Variants in UVSSA observed in about 807,000 individuals in gnomAD.
The protein encoded by UVSSA is UV stimulated scaffold protein A, also known as UV-stimulated scaffold protein A.
Under a neutral mutation model 73.9 loss-of-function variants are expected in UVSSA, and 72 were observed. That is an observed-to-expected ratio of 0.97 (90% CI 0.81 to 1.19). The LOEUF (loss-of-function observed/expected upper bound fraction) is 1.19. Among genes scored for constraint, UVSSA ranks in the 50% most tolerant of loss-of-function variants. The pLI, the probability that UVSSA is intolerant of heterozygous loss-of-function variation, is 0.00. For missense variants in UVSSA, 1,150 were observed against 965.0 expected (o/e 1.19, Z -2.54); for synonymous variants, 454 against 391.3 (o/e 1.16, Z -1.89).
chr4:1,370,122 A>G (rs1170557158), intron 8 of UVSSA, among the ~76,000 whole-genome samples: 2 of 147,736 alleles, frequency 1.4e-5, no homozygotes, highest in Non-Finnish European at 2.9e-5. Context: ...TTAATGGTTT[A>G]AAACAACAAA....
chr4:1,346,042 A>C (rs1713642136), upstream of UVSSA, among the ~76,000 whole-genome samples: 1 of 152,122 alleles, frequency 6.6e-6, no homozygotes, highest in Admixed American at 6.5e-5. Context: ...GAGGCGGAGG[A>C]GCGGCTCGGG....
At chr4:1,375,891 G>C in intron 9 of UVSSA, 143 bp from the exon 10 acceptor site, 1 of 1,325,084 alleles carries the variant, frequency 7.5e-7, no homozygotes, top group Non-Finnish European at 1.0e-6. Context: ...GTGGCCCTGA[G>C]GCCCAGGCGT....
At chr4:1,367,610 A>G (rs1432229669) in intron 8 of UVSSA, among the ~76,000 whole-genome samples, 1 of 152,090 alleles carries the variant, frequency 6.6e-6, no homozygotes, top group East Asian at 1.9e-4. Flanking sequence ...TCCTGGGGTC[A>G]GTGTGAGCTT....
rs1181558933 is a variant in UVSSA, at chr4:1,387,618, A to C, written c.*1657A>C. On this transcript the variant is annotated 3_prime_UTR_variant, in exon 14 of 14. Coordinates refer to ENST00000389851, the MANE Select transcript of UVSSA (RefSeq NM_020894.4). ...GTAGATCTTTGATCCATTGTGAATT[A>C]AGTTTTGTGTGTGGTGTAAGAGCCC... The C allele has an allele frequency of 9.3e-6, 1 of 108,040 alleles. No homozygotes were observed. The highest frequency in any genetic ancestry group is 9.2e-5 in the Admixed American group (1 of 10,816). The allele number at this position is 108,040 out of a possible 1,614,324, so 6.7% of individuals were successfully genotyped here. A position where few individuals can be genotyped will look rare whatever the true frequency, so the allele number is the denominator to read the frequency against.
At chr4:1,346,356 T>G (rs540926114), upstream of UVSSA, among the ~76,000 whole-genome samples, 70 of 152,162 alleles carry the variant, frequency 4.6e-4, no homozygotes, top group African/African-American at 1.6e-3. Context: ...GCGTGGCCTG[T>G]GCCGGGCGCC....
In UVSSA at chr4:1,353,378, C is replaced by T. The variant is rs749042276; in HGVS notation, c.899C>T (p.Ser300Leu). Residue 300 changes from serine to leucine, a missense_variant, in exon 5 of 14, where the codon TCG becomes TTG. Transcript: ENST00000389851. ...EEFVRSHGLG[S>L]HKYTLDVELC... is the part of the protein sequence containing the mutation. ...TTTGTGCGGAGCCACGGGCTGGGCT[C>T]GCACAAGTACACGCTGGATGTGGAG... 34 of 1,598,348 alleles carry T rather than the reference C, an allele frequency of 2.1e-5. No homozygotes were observed. Among genetic ancestry groups the T allele is most frequent in the East Asian group, 6.8e-5 (3 of 44,264 alleles).
upstream of UVSSA, among the ~76,000 whole-genome samples, chr4:1,345,553 G>C (rs974676633): frequency 2.0e-5 from 3 of 149,366 alleles, no homozygotes; most frequent in African/African-American, 7.5e-5. Flanking sequence ...GCTGAGGCAG[G>C]AGAATCGTTT....
At chr4:1,355,293 G>C (rs752654317) in intron 7 of UVSSA, 48 bp downstream of exon 7, 5 of 1,547,308 alleles carry the variant, frequency 3.2e-6, no homozygotes, top group East Asian at 2.3e-5. Flanking sequence ...GGCCTCAGTG[G>C]GGGAGGAGAA....
intron 7 of UVSSA, among the ~76,000 whole-genome samples, chr4:1,356,080 T>C (rs1338950661): frequency 6.6e-6 from 1 of 152,102 alleles, no homozygotes; most frequent in Admixed American, 6.5e-5. Context: ...GTGCTGTCTC[T>C]CAGGCACCTC....
At chr4:1,361,784 A>G (rs1716675455) in intron 7 of UVSSA, among the ~76,000 whole-genome samples, 1 of 152,226 alleles carries the variant, frequency 6.6e-6, no homozygotes. Context: ...GTTTTTAAAC[A>G]CATAGCCATC....
downstream of UVSSA, chr4:1,389,609 C>G (rs1046243352): frequency 3.3e-5 from 5 of 152,170 alleles, no homozygotes; most frequent in Non-Finnish European, 7.3e-5. Flanking sequence ...AAACTCCTGG[C>G]CTCAAGAAAT....
At position 1,351,774 on chromosome 4, in the gene UVSSA, G is replaced by A. The variant is rs1714793138; in HGVS notation, c.489G>A (p.Lys163=). 1.2e-6 allele frequency: 2 copies of A among 1,613,656 alleles called. No individual in the cohort carries two copies. The highest frequency in any genetic ancestry group is 1.3e-5 in the African/African-American group (1 of 74,948). Residue 163 remains lysine, a synonymous_variant, in exon 4 of 14, where the codon AAG becomes AAA. Coordinates refer to ENST00000389851, the MANE Select transcript of UVSSA (RefSeq NM_020894.4). The stretch of plus-strand genomic sequence containing the variant: ...CAGAAAGGAAGAGAGAAGAGGAGAA[G>A]CAGAAGCACTTGGATAAAATTTATC... ...SLAERKREEE[K]QKHLDKIYQE... is the part of the protein sequence containing the mutation.
chr4:1,360,297 C>T (rs540286303), intron 7 of UVSSA, among the ~76,000 whole-genome samples: 9 of 152,358 alleles, frequency 5.9e-5, no homozygotes, highest in African/African-American at 1.7e-4. Flanking sequence ...TGGCACAGAC[C>T]CGTCTTTTGG....
rs769572961 is a variant in UVSSA at position 1,380,175 on chromosome 4, G to T, written c.1697G>T (p.Trp566Leu). 1 of 1,613,078 alleles carries T rather than the reference G, an allele frequency of 6.2e-7. No homozygotes were observed. The highest frequency in any genetic ancestry group is 8.5e-7 in the Non-Finnish European group (1 of 1,180,006). Reference protein sequence around the residue: ...FAGKFEPVQHWCRAPRPDGRL... With the variant: ...FAGKFEPVQHLCRAPRPDGRL... The stretch of plus-strand genomic sequence containing the variant: ...GGGAAGTTTGAGCCTGTGCAGCACT[G>T]GTGCCGTGCCCCGAGGCCAGACGGC... The change falls in exon 11 of 14, where the codon TGG becomes TTG. Residue 566 changes from tryptophan to leucine, a missense_variant. Trp to Leu is a moderately conservative substitution (Grantham distance 61, BLOSUM62 -2). Transcript: ENST00000389851.
chr4:1,361,702 A>G (rs1179621875), intron 7 of UVSSA, among the ~76,000 whole-genome samples: 1 of 152,264 alleles, frequency 6.6e-6, no homozygotes, highest in Admixed American at 6.5e-5. Context: ...GGGCATTAGC[A>G]TATAAATAGC....
intron 9 of UVSSA, 61 bp from the exon 10 acceptor site, chr4:1,375,973 A>G: frequency 1.3e-6 from 2 of 1,551,894 alleles, no homozygotes; most frequent in African/African-American, 2.7e-5. Context: ...GGGGAGGGAG[A>G]GGAGGGTGGC....
rs1560459110 is a variant in UVSSA at position 1,366,358 on chromosome 4, TGAG to T, written c.1218_1220del (p.Glu406del). The T allele has an allele frequency of 1.2e-6, 2 of 1,613,198 alleles. No individual in the cohort carries two copies. Among genetic ancestry groups the T allele is most frequent in the Non-Finnish European group, 1.7e-6 (2 of 1,179,542 alleles). On this transcript the variant is annotated inframe_deletion, in exon 8 of 14. Transcript: ENST00000389851. ...GGGATGCGGAGGAAGATGAGGACGATGAGGACTTTGTGGAGGTCCCTGAGAAGG... is the reference window on the plus strand; with the variant it reads ...GGGATGCGGAGGAAGATGAGGACGATGACTTTGTGGAGGTCCCTGAGAAGG...
intron 8 of UVSSA, among the ~76,000 whole-genome samples, chr4:1,371,181 G>T (rs1717985735): frequency 6.6e-6 from 1 of 152,126 alleles, no homozygotes; most frequent in Non-Finnish European, 1.5e-5. Flanking sequence ...TATGTACTCA[G>T]TAAGCCTGCA....
At chr4:1,395,379 C>T (rs557525098) in exon 14 of UVSSA, 74 of 1,570,038 alleles carry the variant, frequency 4.7e-5, no homozygotes, top group Non-Finnish European at 5.3e-5. Flanking sequence ...GTGGAGTGCC[C>T]GCCTGCTCAC....
Sources: gnomAD v4.1 joint callset for allele counts (sites outside exome capture counted in the v4.1 genomes callset) on GRCh38, gnomAD v4.1.1 for gene constraint, MANE v1.5 for transcripts, NCBI Gene and HGNC (gene_info 2026-07-23, HGNC 2026-07-21) for gene names.